Variants in CAST observed in about 807,000 individuals in gnomAD.
The protein encoded by CAST is calpastatin.
In CAST, 76 loss-of-function variants were observed where a neutral mutation model predicts 119.6. The ratio of observed to expected loss-of-function variants is 0.64; its 90% CI spans 0.53 to 0.77. The LOEUF (loss-of-function observed/expected upper bound fraction) is 0.77. Ranked by LOEUF, CAST falls within the 30% of genes least tolerant of loss-of-function variation. The pLI is 0.00. For synonymous variants in CAST, 319 were observed against 331.6 expected, an observed-to-expected ratio of 0.96 and a Z score of 0.41; for missense variants, 953 against 946.5, an observed-to-expected ratio of 1.01 and a Z score of -0.09.
intron 1 of CAST, among the ~76,000 whole-genome samples, chr5:96,621,584 C>T (rs1747606028): frequency 6.6e-6 from 1 of 152,152 alleles, no homozygotes; most frequent in African/African-American, 2.4e-5. Flanking sequence ...TTTATGAGAA[C>T]TCACTCAGTA....
At chr5:96,571,397 C>T (rs72772004) in intron 1 of CAST, among the ~76,000 whole-genome samples, 6,114 of 152,234 alleles carry the variant, frequency 0.04, 184 homozygotes, top group African/African-American at 0.086. Context: ...TCTGGGCATC[C>T]TTTGTTAAAA....
At chr5:96,571,601 T>C (rs2150187206) in intron 1 of CAST, among the ~76,000 whole-genome samples, 1 of 152,298 alleles carries the variant, frequency 6.6e-6, no homozygotes, top group Middle Eastern at 3.4e-3. Flanking sequence ...TTTTCTGTTA[T>C]CAACAATCAT....
intron 1 of CAST, among the ~76,000 whole-genome samples, chr5:96,580,850 A>G (rs1376119504): frequency 6.6e-6 from 1 of 152,246 alleles, no homozygotes; most frequent in Non-Finnish European, 1.5e-5. Flanking sequence ...CTAGACCCTA[A>G]GGTGATGATA....
Position 96,774,336 on chromosome 5 carries a change from G to T in CAST, c.*1720G>T, listed in dbSNP as rs548725233. On this transcript the variant is annotated 3_prime_UTR_variant, in exon 32 of 32. Transcript: ENST00000675179. Reference sequence around the variant, plus strand: ...AAAGTAAACAACATTTATTTAAAAAGAACTCTGAATATGCCTTCTTTTTTA... The same window carrying T: ...AAAGTAAACAACATTTATTTAAAAATAACTCTGAATATGCCTTCTTTTTTA... 1.4e-4 allele frequency: 31 copies of T among 218,928 alleles called. No homozygotes were observed. Among genetic ancestry groups the T allele is most frequent in the African/African-American group, 4.2e-4 (18 of 42,808 alleles). 13.6% of individuals were successfully genotyped at this position (218,928 alleles called of 1,614,324 possible). A position where few individuals can be genotyped will look rare whatever the true frequency, so the allele number is the denominator to read the frequency against.
chr5:96,397,960 T>C, the CAST span, among the ~76,000 whole-genome samples: 10 of 151,988 alleles, frequency 6.6e-5, no homozygotes, highest in African/African-American at 1.9e-4. Context: ...ATTTAATTAA[T>C]GTATTAATTT....
chr5:96,110,029 C>A, the CAST span, among the ~76,000 whole-genome samples: 2 of 151,950 alleles, frequency 1.3e-5, no homozygotes, highest in Non-Finnish European at 2.9e-5. Flanking sequence ...TATTGAAAAT[C>A]CAGTCTGTGT....
the CAST span, chr5:96,318,727 C>T: frequency 5.3e-5 from 8 of 152,204 alleles, no homozygotes; most frequent in South Asian, 8.3e-4. Context: ...CATATCACTC[C>T]GCACTTTGCT....
chr5:96,266,759 ATATAGATG>A, the CAST span, among the ~76,000 whole-genome samples: 1 of 152,256 alleles, frequency 6.6e-6, no homozygotes, highest in South Asian at 2.1e-4. Flanking sequence ...CAATGCAATG[ATATAGATG>A]TACATTCATA....
the CAST span, chr5:96,433,360 G>A: frequency 7.3e-6 from 3 of 410,458 alleles, no homozygotes; most frequent in Admixed American, 3.6e-5. Context: ...TGGTATTCCC[G>A]GCGGGGCGGA....
intron 1 of CAST, among the ~76,000 whole-genome samples, chr5:96,571,267 A>G (rs1307572239): frequency 6.6e-6 from 1 of 152,086 alleles, no homozygotes. Flanking sequence ...GGTCTCATAA[A>G]CCAATAGCCT....
At chr5:96,146,930 A>G in the CAST span, among the ~76,000 whole-genome samples, 6 of 152,204 alleles carry the variant, frequency 3.9e-5, no homozygotes, top group Non-Finnish European at 5.9e-5. Context: ...AAGAAGTGAC[A>G]CGGTTACTTT....
At chr5:96,130,260 G>GA in the CAST span, among the ~76,000 whole-genome samples, 18 of 151,520 alleles carry the variant, frequency 1.2e-4, no homozygotes, top group Non-Finnish European at 5.9e-5. Context: ...TCCAATATGT[G>GA]AAAAAAATCA....
chr5:96,035,553 C>G, the CAST span, among the ~76,000 whole-genome samples: 1 of 151,344 alleles, frequency 6.6e-6, no homozygotes, highest in Non-Finnish European at 1.5e-5. Context: ...TTAGGGAAGT[C>G]TAGAAAATAC....
At chr5:96,169,616 T>G in the CAST span, among the ~76,000 whole-genome samples, 3 of 152,086 alleles carry the variant, frequency 2.0e-5, no homozygotes, top group Non-Finnish European at 4.4e-5. Flanking sequence ...TTTTAAAGCG[T>G]GCTGTGGGAT....
At chr5:96,432,712 C>A in the CAST span, 1 of 662,908 alleles carries the variant, frequency 1.5e-6, no homozygotes, top group Non-Finnish European at 2.7e-6. Context: ...TCTCTCCAAG[C>A]GCGACAGGGG....
the CAST span, among the ~76,000 whole-genome samples, chr5:96,107,151 C>T: frequency 6.6e-6 from 1 of 151,598 alleles, no homozygotes; most frequent in South Asian, 2.1e-4. Flanking sequence ...GAATACAGCA[C>T]ACTGATGGGT....
the CAST span, among the ~76,000 whole-genome samples, chr5:96,048,208 G>A: frequency 6.6e-6 from 1 of 152,146 alleles, no homozygotes; most frequent in Non-Finnish European, 1.5e-5. Context: ...AGTGGTGATA[G>A]GATCATATGA....
upstream of CAST, among the ~76,000 whole-genome samples, chr5:96,661,051 G>A (rs2150208297): frequency 6.6e-6 from 1 of 151,938 alleles, no homozygotes; most frequent in Admixed American, 6.6e-5. Context: ...TTCCTAAAAT[G>A]AGGAGGTACA....
At chr5:96,120,951 T>G in the CAST span, among the ~76,000 whole-genome samples, 13 of 152,102 alleles carry the variant, frequency 8.5e-5, no homozygotes, top group Non-Finnish European at 1.8e-4. Context: ...AAGGTGATAT[T>G]CACTCGTGTT....
Sources: allele counts gnomAD v4.1 joint callset (sites outside exome capture counted in the v4.1 genomes callset), GRCh38; gene constraint gnomAD v4.1.1; transcripts MANE v1.5; gene names NCBI Gene and HGNC (gene_info 2026-07-23, HGNC 2026-07-21).